ECHDC3: variants seen among roughly 807,000 people sequenced by gnomAD.
The protein encoded by ECHDC3 is enoyl-CoA hydratase domain-containing protein 3, mitochondrial.
ECHDC3 carries 20 observed loss-of-function variants against 17.9 expected under a neutral mutation model. The ratio of observed to expected loss-of-function variants is 1.12; its 90% CI spans 0.79 to 1.63. The LOEUF is 1.63. Ranked by LOEUF, ECHDC3 falls within the 40% of genes most tolerant of loss-of-function variation. The probability of loss-of-function intolerance (pLI) is 0.00; values close to 1 mark genes in which losing one functional copy is unlikely to be tolerated. For missense variants in ECHDC3, 407 were observed against 357.7 expected (o/e 1.14, Z -1.11); for synonymous variants, 177 against 149.7 (o/e 1.18, Z -1.33).
At position 11,742,581 on chromosome 10, in the gene ECHDC3, C is replaced by CCGCCGT; in HGVS notation, c.13_18dup (p.Ala5_Val6dup). The CCGCCGT allele has an allele frequency of 7.8e-7, 1 of 1,286,660 alleles. No homozygotes were observed. The highest frequency in any genetic ancestry group is 9.8e-7 in the Non-Finnish European group (1 of 1,018,484). 79.7% of individuals were successfully genotyped at this position (1,286,660 alleles called of 1,614,324 possible). A position where few individuals can be genotyped will look rare whatever the true frequency, so the allele number is the denominator to read the frequency against. ...CGTCTGGCCATCCCGAATGCTATGG[C>CCGCCGT]CGCCGTCGCCGTCTTGCGGGCCTTC... On this transcript the variant is annotated inframe_insertion, in exon 1 of 5. Transcript: ENST00000379215.
chr10:11,752,063 A>T (rs1832830685), intron 3 of ECHDC3: 1 of 152,056 alleles, frequency 6.6e-6, no homozygotes, highest in Non-Finnish European at 1.5e-5. Context: ...TTGATTATTT[A>T]AATTCCCTTT....
intron 2 of ECHDC3, among the ~76,000 whole-genome samples, chr10:11,748,042 A>G (rs1043842308): frequency 2.0e-5 from 3 of 152,212 alleles, no homozygotes; most frequent in Non-Finnish European, 2.9e-5. Context: ...TTGTGATGCT[A>G]TGTTTGTTTG....
chr10:11,757,811 G>C (rs1385786136), intron 4 of ECHDC3, among the ~76,000 whole-genome samples: 1 of 152,196 alleles, frequency 6.6e-6, no homozygotes, highest in African/African-American at 2.4e-5. Flanking sequence ...GCCTTTGTTA[G>C]GTTTCTGGAT....
In ECHDC3 at chr10:11,742,744, A is replaced by C; in HGVS notation, c.168A>C (p.Ile56=). The C allele has an allele frequency of 8.1e-7, 1 of 1,232,800 alleles. No homozygotes were observed. Among genetic ancestry groups the C allele is most frequent in the Non-Finnish European group, 1.0e-6 (1 of 988,250 alleles). 76.4% of individuals were successfully genotyped at this position (1,232,800 alleles called of 1,614,324 possible). A position where few individuals can be genotyped will look rare whatever the true frequency, so the allele number is the denominator to read the frequency against. ...CCAGCGCGCGGCAGCTGGACGGCAT[A>C]AGGTCAGCCCCGGGCCGCGCGGGCT... The part of the protein sequence containing the change: ...RPTSARQLDG[I]RNIVLSNPKK... The change falls in exon 1 of 5, where the codon ATA becomes ATC. Residue 56 remains isoleucine (I), a splice_region_variant and synonymous_variant. Coordinates refer to ENST00000379215, the MANE Select transcript of ECHDC3 (RefSeq NM_024693.5).
intron 2 of ECHDC3, among the ~76,000 whole-genome samples, chr10:11,748,349 C>G (rs1434727331): frequency 3.3e-5 from 5 of 152,062 alleles, no homozygotes; most frequent in Non-Finnish European, 7.4e-5. Flanking sequence ...ACCTCAGTCT[C>G]CTGAGTAGCT....
rs545459666 is a variant in ECHDC3 at position 11,747,446 on chromosome 10, G to A, written c.268G>A (p.Asp90Asn). ...CATTCTTCATGACGCTGACAGCAACGATCTGAAAGTCATTATCATCTCGGG... is the reference window on the plus strand; with the variant it reads ...CATTCTTCATGACGCTGACAGCAACAATCTGAAAGTCATTATCATCTCGGG... ...SDILHDADSN[D>N]LKVIIISAEG... The change falls in exon 2 of 5, where the codon GAT becomes AAT. Residue 90 changes from aspartate to asparagine, a missense_variant. By Grantham distance (23) the Asp-to-Asn change is conservative (BLOSUM62 1). Transcript: ENST00000379215. 3.1e-6 allele frequency: 5 copies of A among 1,613,950 alleles called. No homozygotes were observed. Among genetic ancestry groups the A allele is most frequent in the Non-Finnish European group, 3.4e-6 (4 of 1,179,992 alleles).
intron 2 of ECHDC3, among the ~76,000 whole-genome samples, chr10:11,748,756 G>A (rs751674679): frequency 2.0e-5 from 3 of 152,082 alleles, no homozygotes; most frequent in Non-Finnish European, 4.4e-5. Context: ...CGTGGGGGCA[G>A]GCACCTGTAA....
chr10:11,743,427 G>A (rs1470700658), intron 1 of ECHDC3, among the ~76,000 whole-genome samples: 1 of 152,276 alleles, frequency 6.6e-6, no homozygotes, highest in African/African-American at 2.4e-5. Context: ...ATAATCCTCA[G>A]ATGACCAGGT....
chr10:11,763,397 C>G lies in ECHDC3; in HGVS notation c.765C>G (p.Phe255Leu). ...RPVVSLGKATFYKQLPQDLGT... is the reference protein window; with the variant it reads ...RPVVSLGKATLYKQLPQDLGT... ...TGGTGTCCCTGGGCAAAGCCACCTT[C>G]TACAAGCAGCTGCCCCAGGACCTGG... Residue 255 changes from phenylalanine (F) to leucine (L), a missense_variant, in exon 5 of 5, where the codon TTC (phenylalanine) becomes TTG (leucine). By Grantham distance (22) the Phe-to-Leu change is conservative (BLOSUM62 0). Transcript: ENST00000379215. The surrounding 1 kb of genome is among the most constrained non-coding windows in gnomAD (Gnocchi z 4.9). 1.3e-6 allele frequency: 1 copy of G among 784,108 alleles called. No homozygotes were observed. The highest frequency in any genetic ancestry group is 2.4e-6 in the Non-Finnish European group (1 of 425,264). The allele number at this position is 784,108 out of a possible 1,614,324, so 48.6% of individuals were successfully genotyped here.
intron 4 of ECHDC3, 135 bp downstream of exon 4, chr10:11,755,743 C>G: frequency 2.4e-6 from 2 of 821,480 alleles, no homozygotes; most frequent in Non-Finnish European, 3.7e-6. Context: ...GTGCCTCTGG[C>G]TAGATGGGCC....
intron 4 of ECHDC3, among the ~76,000 whole-genome samples, chr10:11,758,167 A>G (rs953648531): frequency 2.0e-5 from 3 of 152,224 alleles, no homozygotes; most frequent in Non-Finnish European, 4.4e-5. Context: ...CTATGCAATC[A>G]AGCCTGTCTG....
intron 4 of ECHDC3, among the ~76,000 whole-genome samples, chr10:11,761,097 C>T (rs1429741563): frequency 2.6e-5 from 4 of 152,152 alleles, no homozygotes; most frequent in African/African-American, 7.2e-5. Context: ...TGGGCTCCAT[C>T]TCCACCCATG....
intron 3 of ECHDC3, among the ~76,000 whole-genome samples, chr10:11,754,421 T>C (rs1304427410): frequency 3.9e-5 from 6 of 152,168 alleles, no homozygotes; most frequent in Admixed American, 3.3e-4. Flanking sequence ...GTTCTGGAAA[T>C]GTATTGGTTG....
chr10:11,759,380 A>C (rs1176641537), intron 4 of ECHDC3, among the ~76,000 whole-genome samples: 3 of 99,614 alleles, frequency 3.0e-5, no homozygotes, highest in South Asian at 7.0e-4. Context: ...ACAAAAAAAA[A>C]AAACACGCAG....
rs869115508 is a variant in ECHDC3 at position 11,749,773 on chromosome 10, C to CTTTT, written c.390+218_390+221dup. On this transcript the variant is annotated intron_variant, in intron 3 of 4. Transcript: ENST00000379215. Reference sequence around the variant, plus strand: ...AATCCAGCAATTATTTGGTTTAGACCTTTTTTTTTTTTTTTTTTTTTTTTT... The same window carrying CTTTT: ...AATCCAGCAATTATTTGGTTTAGACCTTTTTTTTTTTTTTTTTTTTTTTTTTTTT... 1.4e-4 allele frequency among the ~76,000 whole-genome samples: 9 copies of CTTTT among 65,528 alleles called. 1 individual carries two copies. Among genetic ancestry groups the CTTTT allele is most frequent in the African/African-American group, 5.9e-4 (9 of 15,298 alleles). 43.0% of individuals were successfully genotyped at this position (65,528 alleles called of 152,430 possible).
At chr10:11,759,994 C>G (rs1832929427) in intron 4 of ECHDC3, among the ~76,000 whole-genome samples, 1 of 152,248 alleles carries the variant, frequency 6.6e-6, no homozygotes, top group Non-Finnish European at 1.5e-5. Flanking sequence ...GGTTGGAACT[C>G]AGGTACATCT....
intron 4 of ECHDC3, among the ~76,000 whole-genome samples, chr10:11,759,057 T>A (rs1426444878): frequency 2.0e-5 from 3 of 152,148 alleles, no homozygotes; most frequent in African/African-American, 7.2e-5. Flanking sequence ...AGTGACTTTA[T>A]GAAAACAGCC....
At chr10:11,749,058 C>G (rs1873732) in intron 2 of ECHDC3, among the ~76,000 whole-genome samples, 140,452 of 152,220 alleles carry the variant, frequency 0.92, 65,917 homozygotes, top group East Asian at 1. Context: ...CACCTTCCCA[C>G]TTCAGCCATG....
intron 3 of ECHDC3, among the ~76,000 whole-genome samples, chr10:11,750,179 T>C (rs1564283156): frequency 6.6e-6 from 1 of 152,138 alleles, no homozygotes; most frequent in Admixed American, 6.6e-5. Context: ...ATGGTACTCA[T>C]AGTTGCCATG....
Sources: allele counts gnomAD v4.1 joint callset (sites outside exome capture counted in the v4.1 genomes callset), GRCh38; gene constraint gnomAD v4.1.1; non-coding constraint Gnocchi (gnomAD v3.1); transcripts MANE v1.5; gene names NCBI Gene and HGNC (gene_info 2026-07-23, HGNC 2026-07-21).